Variants in R3HDM2 observed in about 807,000 individuals in gnomAD.
The protein encoded by R3HDM2 is R3H domain-containing protein 2.
Under a neutral mutation model 124.5 loss-of-function variants are expected in R3HDM2, and 38 were observed. The observed-to-expected ratio is 0.31, with a 90% CI of 0.24 to 0.40. The LOEUF (loss-of-function observed/expected upper bound fraction) is 0.40, where lower values mean the gene tolerates loss of function less well. Among genes scored for constraint, R3HDM2 ranks in the 10% least tolerant of loss-of-function variants. R3HDM2 has a pLI of 1.00. For synonymous variants in R3HDM2, 391 were observed against 448.0 expected, an observed-to-expected ratio of 0.87 and a Z score of 1.61; for missense variants, 869 against 1,236.9, an observed-to-expected ratio of 0.70 and a Z score of 4.46.
rs567321516 is a variant in R3HDM2, at chr12:57,381,000, C to T, written c.-36+14749G>A. Among the ~76,000 whole-genome samples the T allele has an allele frequency of 1.1e-4, 16 of 150,454 alleles. No individual in the cohort carries two copies. In the South Asian group the frequency reaches 2.5e-3, roughly 24 times the overall value. On this transcript the variant is annotated intron_variant, in intron 2 of 23. Coordinates refer to ENST00000402412, the MANE Select transcript of R3HDM2 (RefSeq NM_001394031.1). Reference sequence around the variant, plus strand: ...ATCCCAGCACTTTCGGAGGCAGAGACGGAAGGATCACCTGAGGTCAGGCAT... The same window carrying T: ...ATCCCAGCACTTTCGGAGGCAGAGATGGAAGGATCACCTGAGGTCAGGCAT...
chr12:57,390,564 G>A (rs905917469), intron 2 of R3HDM2, among the ~76,000 whole-genome samples: 8 of 152,148 alleles, frequency 5.3e-5, no homozygotes, highest in Admixed American at 4.6e-4. Flanking sequence ...AAGCAAGGCG[G>A]AATGTACCAG....
chr12:57,269,242 T>C, intron 16 of R3HDM2, 81 bp downstream of exon 16: 4 of 1,574,702 alleles, frequency 2.5e-6, no homozygotes, highest in Non-Finnish European at 3.4e-6. Context: ...CCACCTTCAT[T>C]TTAATGGAGA....
intron 1 of R3HDM2, among the ~76,000 whole-genome samples, chr12:57,427,300 AAAT>A: frequency 6.9e-6 from 1 of 145,374 alleles, no homozygotes. Flanking sequence ...CAAAAAAAAT[AAAT>A]AAATAATAAT....
chr12:57,302,676 A>G (rs2051488738), intron 4 of R3HDM2, among the ~76,000 whole-genome samples: 1 of 151,524 alleles, frequency 6.6e-6, no homozygotes, highest in East Asian at 1.9e-4. Flanking sequence ...TCAAAAAAAA[A>G]AAAAAAAAAA....
intron 14 of R3HDM2, among the ~76,000 whole-genome samples, chr12:57,273,196 C>T (rs371272325): frequency 5.9e-4 from 90 of 152,128 alleles, no homozygotes; most frequent in African/African-American, 1.6e-3. Flanking sequence ...CAGGCTGTGA[C>T]AGCAATATGA....
chr12:57,311,382 C>G (rs555293309), intron 2 of R3HDM2, among the ~76,000 whole-genome samples: 2 of 151,302 alleles, frequency 1.3e-5, no homozygotes, highest in South Asian at 2.1e-4. Flanking sequence ...CCCGCCACCA[C>G]GCTCAGCTAA....
At chr12:57,390,340 T>G (rs2066474759) in intron 2 of R3HDM2, among the ~76,000 whole-genome samples, 1 of 151,858 alleles carries the variant, frequency 6.6e-6, no homozygotes, top group South Asian at 2.1e-4. Flanking sequence ...TTCCAAGAAA[T>G]GTAACAGGGA....
chr12:57,311,974 C>A (rs547941479), intron 2 of R3HDM2, among the ~76,000 whole-genome samples: 1 of 152,272 alleles, frequency 6.6e-6, no homozygotes, highest in South Asian at 2.1e-4. Context: ...TCCTCAATTG[C>A]CGAAGTCAAA....
intron 1 of R3HDM2, among the ~76,000 whole-genome samples, chr12:57,423,264 A>C (rs916900150): frequency 6.6e-6 from 1 of 151,910 alleles, no homozygotes; most frequent in African/African-American, 2.4e-5. Flanking sequence ...TCTCTACTAA[A>C]AATGCAAAAA....
intron 14 of R3HDM2, among the ~76,000 whole-genome samples, chr12:57,278,534 A>C (rs1372905628): frequency 6.6e-6 from 1 of 152,204 alleles, no homozygotes; most frequent in African/African-American, 2.4e-5. Context: ...TGGAAAAGCA[A>C]GTCATACACA....
At chr12:57,387,175 G>C (rs897366025) in intron 2 of R3HDM2, among the ~76,000 whole-genome samples, 1 of 152,162 alleles carries the variant, frequency 6.6e-6, no homozygotes, top group African/African-American at 2.4e-5. Context: ...CGAGCCACCA[G>C]TGGCAACCGG....
chr12:57,319,714 C>T (rs553887216), intron 2 of R3HDM2, among the ~76,000 whole-genome samples: 16 of 152,152 alleles, frequency 1.1e-4, no homozygotes, highest in Non-Finnish European at 1.8e-4. Context: ...AAGAAACTGC[C>T]CTGAAAGTAG....
intron 3 of R3HDM2, among the ~76,000 whole-genome samples, chr12:57,306,846 C>G (rs1180491579): frequency 1.3e-5 from 2 of 152,140 alleles, no homozygotes; most frequent in African/African-American, 4.8e-5. Flanking sequence ...GAAACCCTGC[C>G]TCTACTAAAA....
In R3HDM2 at chr12:57,310,245, A is replaced by G. The variant is rs1566083208; in HGVS notation, c.165+19T>C. On this transcript the variant is annotated intron_variant, in intron 3 of 23. Transcript: ENST00000402412. ...AGGAAAAAAAAAAAGTGTGCATACA[A>G]TGCATTTCCAATCGTTACCTGTGTC... 3 of 1,501,614 alleles carry G rather than the reference A, an allele frequency of 2.0e-6. No homozygotes were observed. Among genetic ancestry groups the G allele is most frequent in the Non-Finnish European group, 2.7e-6 (3 of 1,121,270 alleles). The allele number at this position is 1,501,614 out of a possible 1,614,324, so 93.0% of individuals were successfully genotyped here. A position where few individuals can be genotyped will look rare whatever the true frequency, so the allele number is the denominator to read the frequency against.
intron 2 of R3HDM2, among the ~76,000 whole-genome samples, chr12:57,324,144 C>T (rs2056905120): frequency 6.6e-6 from 1 of 152,168 alleles, no homozygotes; most frequent in Admixed American, 6.5e-5. Flanking sequence ...TAACCGATGA[C>T]CTTAGAAAGG....
intron 1 of R3HDM2, among the ~76,000 whole-genome samples, 198 bp from the exon 2 acceptor site, chr12:57,396,016 A>C (rs968506901): frequency 3.3e-5 from 5 of 152,086 alleles, no homozygotes; most frequent in African/African-American, 2.4e-5. Context: ...AATTAAAAAA[A>C]CCCTGCATTT....
chr12:57,393,003 A>C (rs998586428), intron 2 of R3HDM2, among the ~76,000 whole-genome samples: 4 of 151,620 alleles, frequency 2.6e-5, no homozygotes, highest in Non-Finnish European at 4.4e-5. Context: ...ACAGGGTTTC[A>C]CCATGTTAGC....
At chr12:57,392,790 A>T (rs1054755099) in intron 2 of R3HDM2, among the ~76,000 whole-genome samples, 3 of 150,264 alleles carry the variant, frequency 2.0e-5, no homozygotes, top group Non-Finnish European at 4.4e-5. Flanking sequence ...CCAGCAGTTC[A>T]ATTCTATAGT....
intron 1 of R3HDM2, among the ~76,000 whole-genome samples, chr12:57,407,649 C>A (rs2068649906): frequency 6.6e-6 from 1 of 152,160 alleles, no homozygotes; most frequent in Non-Finnish European, 1.5e-5. Flanking sequence ...TCGTGATCCA[C>A]CCGCCTCGGC....
Sources: gnomAD v4.1 joint callset for allele counts (sites outside exome capture counted in the v4.1 genomes callset) on GRCh38, gnomAD v4.1.1 for gene constraint, MANE v1.5 for transcripts, NCBI Gene and HGNC (gene_info 2026-07-23, HGNC 2026-07-21) for gene names.